The following CFAP161 variants were observed in gnomAD, a reference collection of about 807,000 sequenced individuals.
CFAP161 encodes the protein cilia- and flagella-associated protein 161.
CFAP161 carries 25 observed loss-of-function variants against 29.0 expected under a neutral mutation model. The ratio of observed to expected loss-of-function variants is 0.86; its 90% confidence interval spans 0.63 to 1.20. The LOEUF (loss-of-function observed/expected upper bound fraction) is 1.20. CFAP161 is among the 50% of genes most tolerant of loss of function. The pLI is 0.00. For missense variants in CFAP161, 367 were observed against 371.9 expected (o/e 0.99, Z 0.11); for synonymous variants, 116 against 137.4 (o/e 0.84, Z 1.09).
At chr15:81,101,015 G>T (rs904143038) in intron 1 of CFAP161, among the ~76,000 whole-genome samples, 7 of 152,176 alleles carry the variant, frequency 4.6e-5, no homozygotes, top group African/African-American at 1.7e-4. Flanking sequence ...ATCCCTAGAT[G>T]TGTATGCTTG....
chr15:81,116,738 T>C (rs1390844565), intron 1 of CFAP161, among the ~76,000 whole-genome samples: 1 of 152,164 alleles, frequency 6.6e-6, no homozygotes, highest in Admixed American at 6.5e-5. Context: ...ACACCGAGCA[T>C]GAGGCTTGTT....
chr15:81,143,527 C>T, intron 4 of CFAP161, 135 bp from the exon 5 acceptor site: 1 of 992,152 alleles, frequency 1.0e-6, no homozygotes, highest in Admixed American at 2.2e-5. Flanking sequence ...ATTGTGCTTT[C>T]TCATACAATC....
At chr15:81,137,081 G>A (rs189171573) in intron 3 of CFAP161, among the ~76,000 whole-genome samples, 2 of 140,706 alleles carry the variant, frequency 1.4e-5, no homozygotes, top group African/African-American at 5.3e-5. Flanking sequence ...TGTTTTCATT[G>A]TTCTTAATAC....
At chr15:81,139,236 A>G (rs961478806) in intron 4 of CFAP161, among the ~76,000 whole-genome samples, 7 of 152,144 alleles carry the variant, frequency 4.6e-5, no homozygotes, top group East Asian at 1.9e-4. Context: ...GCCGGAAGGT[A>G]GAAACTGTAG....
intron 5 of CFAP161, among the ~76,000 whole-genome samples, chr15:81,144,421 C>T (rs976880438): frequency 6.6e-6 from 1 of 152,032 alleles, no homozygotes; most frequent in Non-Finnish European, 1.5e-5. Flanking sequence ...ATGGCAAAAC[C>T]CCTGTCTCTA....
chr15:81,131,008 A>T (rs938791034), upstream of CFAP161, among the ~76,000 whole-genome samples: 1 of 152,182 alleles, frequency 6.6e-6, no homozygotes, highest in Admixed American at 6.5e-5. Context: ...AGATATAATA[A>T]TAAGGAAGTT....
At chr15:81,100,559 A>C (rs1379175160) in intron 1 of CFAP161, among the ~76,000 whole-genome samples, 1 of 152,108 alleles carries the variant, frequency 6.6e-6, no homozygotes, top group Non-Finnish European at 1.5e-5. Flanking sequence ...CATTGCCTAC[A>C]ATTTTCTACA....
intron 1 of CFAP161, among the ~76,000 whole-genome samples, chr15:81,117,380 T>A (rs1894511865): frequency 6.6e-6 from 1 of 151,942 alleles, no homozygotes. Flanking sequence ...ACAGCAAGAG[T>A]CTCACACAAA....
chr15:81,113,133 G>A (rs1232628057), intron 1 of CFAP161, among the ~76,000 whole-genome samples: 1 of 152,066 alleles, frequency 6.6e-6, no homozygotes, highest in Non-Finnish European at 1.5e-5. Context: ...AAATTCATCT[G>A]CGTTGTAAGT....
At chr15:81,140,255 T>C (rs533674684) in intron 4 of CFAP161, among the ~76,000 whole-genome samples, 1 of 152,352 alleles carries the variant, frequency 6.6e-6, no homozygotes, top group African/African-American at 2.4e-5. Context: ...TTTATGTTTT[T>C]AAGACTGCTT....
intron 5 of CFAP161, among the ~76,000 whole-genome samples, chr15:81,146,362 A>G (rs1044490915): frequency 5.9e-5 from 9 of 152,350 alleles, no homozygotes; most frequent in Admixed American, 5.2e-4. Flanking sequence ...AAAAAATAAT[A>G]TGAAAATTAC....
chr15:81,143,588 C>G, intron 4 of CFAP161, 74 bp from the exon 5 acceptor site: 3 of 1,477,994 alleles, frequency 2.0e-6, no homozygotes, highest in Non-Finnish European at 2.8e-6. Flanking sequence ...GCCGTCCAGC[C>G]AGTCAATTGC....
chr15:81,141,506 T>G (rs1894908320), intron 4 of CFAP161, among the ~76,000 whole-genome samples: 1 of 152,200 alleles, frequency 6.6e-6, no homozygotes, highest in Non-Finnish European at 1.5e-5. Context: ...GATGACAATT[T>G]TCTCTCTTCC....
intron 5 of CFAP161, 106 bp downstream of exon 5, chr15:81,143,926 T>A (rs1306300432): frequency 1.6e-6 from 2 of 1,247,792 alleles, no homozygotes; most frequent in Admixed American, 2.7e-5. Context: ...TATGACTTTC[T>A]CTCTCTTTTC....
chr15:81,114,054 C>G (rs1894467652), intron 1 of CFAP161, among the ~76,000 whole-genome samples: 1 of 152,196 alleles, frequency 6.6e-6, no homozygotes, highest in South Asian at 2.1e-4. Flanking sequence ...TCTTATAATA[C>G]CACAGTTGCC....
At chr15:81,131,981 A>G (rs1316934707), upstream of CFAP161, among the ~76,000 whole-genome samples, 2 of 152,192 alleles carry the variant, frequency 1.3e-5, no homozygotes, top group Non-Finnish European at 2.9e-5. Context: ...CTCATCAGAA[A>G]TAATGGAGGC....
chr15:81,104,480 G>C (rs1201273429), intron 1 of CFAP161, among the ~76,000 whole-genome samples: 2 of 152,206 alleles, frequency 1.3e-5, no homozygotes, highest in Admixed American at 6.5e-5. Context: ...TCCACAAGGA[G>C]CTGCAAGGAA....
At chr15:81,121,041 G>T (rs1389018641) in intron 1 of CFAP161, among the ~76,000 whole-genome samples, 6 of 152,146 alleles carry the variant, frequency 3.9e-5, no homozygotes, top group African/African-American at 1.4e-4. Flanking sequence ...TTGGATTAAT[G>T]CATTTTTAAG....
intron 1 of CFAP161, among the ~76,000 whole-genome samples, chr15:81,116,468 T>G (rs1894500220): frequency 6.6e-6 from 1 of 152,158 alleles, no homozygotes; most frequent in Non-Finnish European, 1.5e-5. Flanking sequence ...TAATTTTTTT[T>G]GTATTTTTGG....
Sources: gnomAD v4.1 joint callset for allele counts (sites outside exome capture counted in the v4.1 genomes callset) on GRCh38, gnomAD v4.1.1 for gene constraint, MANE v1.5 for transcripts, NCBI Gene and HGNC (gene_info 2026-07-23, HGNC 2026-07-21) for gene names.